The following OVCH1 variants were observed in gnomAD, a reference collection of about 807,000 sequenced individuals.
OVCH1 encodes the protein ovochymase-1.
A neutral mutation model predicts 138.4 loss-of-function variants in OVCH1; 139 were observed. The ratio of observed to expected loss-of-function variants is 1.00; its 90% confidence interval spans 0.87 to 1.16. The LOEUF is 1.16. Ranked by LOEUF, OVCH1 falls within the 50% of genes most tolerant of loss-of-function variation. The pLI is 0.00. For synonymous variants in OVCH1, 453 were observed against 467.8 expected, an observed-to-expected ratio of 0.97 and a Z score of 0.41; for missense variants, 1,367 against 1,357.9, an observed-to-expected ratio of 1.01 and a Z score of -0.11.
At chr12:29,452,650 T>G (rs1255712120) in intron 21 of OVCH1, among the ~76,000 whole-genome samples, 4 of 152,188 alleles carry the variant, frequency 2.6e-5, no homozygotes, top group Non-Finnish European at 5.9e-5. Context: ...CTTTCTAATC[T>G]TTTTAGTTTT....
chr12:29,452,424 CCT>C (rs1325535580), intron 21 of OVCH1, among the ~76,000 whole-genome samples: 1 of 148,068 alleles, frequency 6.8e-6, no homozygotes, highest in Non-Finnish European at 1.5e-5. Flanking sequence ...CTTTGTTAGT[CCT>C]CTTTTTTTAT....
intron 3 of OVCH1, among the ~76,000 whole-genome samples, chr12:29,417,487 C>T (rs1372043773): frequency 8.2e-6 from 1 of 122,062 alleles, no homozygotes; most frequent in Non-Finnish European, 1.7e-5. Context: ...AAAAAAAAGG[C>T]AACACTAGGA....
chr12:29,493,606 C>T (rs1162846608), intron 4 of OVCH1, among the ~76,000 whole-genome samples: 1 of 152,152 alleles, frequency 6.6e-6, no homozygotes, highest in Non-Finnish European at 1.5e-5. Flanking sequence ...TTCCATACAC[C>T]TAATCTAACC....
downstream of OVCH1, among the ~76,000 whole-genome samples, chr12:29,422,629 G>A (rs914973053): frequency 6.6e-6 from 1 of 152,286 alleles, no homozygotes; most frequent in African/African-American, 2.4e-5. Flanking sequence ...AATTAATTAG[G>A]TTTTTAAATC....
chr12:29,457,351 GGTCC>G (rs1941983060), intron 19 of OVCH1, among the ~76,000 whole-genome samples: 3 of 146,556 alleles, frequency 2.0e-5, no homozygotes, highest in Non-Finnish European at 4.5e-5. Context: ...CCTATCATAT[GGTCC>G]AGTCCATAGT....
At chr12:29,451,222 C>A (rs533713215) in intron 22 of OVCH1, 123 bp downstream of exon 22, 3 of 567,930 alleles carry the variant, frequency 5.3e-6, no homozygotes, top group Non-Finnish European at 8.8e-6. Context: ...AGGGAAAAAG[C>A]ATTCCTATTA....
At chr12:29,419,255 A>T (rs1366227469) in intron 3 of OVCH1, among the ~76,000 whole-genome samples, 1 of 151,904 alleles carries the variant, frequency 6.6e-6, no homozygotes, top group African/African-American at 2.4e-5. Flanking sequence ...ATTTTAATGT[A>T]TATATTTTCT....
At chr12:29,492,703 T>G (rs1371977637) in intron 4 of OVCH1, among the ~76,000 whole-genome samples, 2 of 152,002 alleles carry the variant, frequency 1.3e-5, no homozygotes, top group South Asian at 4.2e-4. Context: ...AATCCAGAGT[T>G]TTTTAGATTT....
At chr12:29,417,544 A>G (rs761664332) in intron 3 of OVCH1, among the ~76,000 whole-genome samples, 68 of 152,012 alleles carry the variant, frequency 4.5e-4, no homozygotes, top group Non-Finnish European at 8.2e-4. Flanking sequence ...GATTGTATCA[A>G]TATCCTATAA....
intron 2 of OVCH1, 115 bp from the exon 3 acceptor site, chr12:29,496,393 C>A: frequency 6.0e-6 from 7 of 1,175,094 alleles, no homozygotes; most frequent in Non-Finnish European, 8.4e-6. Context: ...AAAATACCGA[C>A]ATAAATTGGA....
intron 26 of OVCH1, among the ~76,000 whole-genome samples, chr12:29,436,293 T>TACG (rs10658436): frequency 6.6e-6 from 1 of 152,108 alleles, no homozygotes; most frequent in Non-Finnish European, 1.5e-5. Context: ...AGACACCCAG[T>TACG]ACTTTATGAA....
intron 4 of OVCH1, 121 bp downstream of exon 4, chr12:29,495,163 TA>T: frequency 9.7e-7 from 1 of 1,030,684 alleles, no homozygotes; most frequent in Non-Finnish European, 1.4e-6. Flanking sequence ...AAAATTATTT[TA>T]AAAAGAAACA....
At chr12:29,439,258 CTTA>C in intron 26 of OVCH1, 1 of 1,300,214 alleles carries the variant, frequency 7.7e-7, no homozygotes, top group Non-Finnish European at 9.9e-7. Context: ...TGTCACTTCT[CTTA>C]TTTATTGTTC....
exon 1 of OVCH1, chr12:29,497,647 C>A: frequency 6.2e-7 from 1 of 1,613,986 alleles, no homozygotes; most frequent in Non-Finnish European, 8.5e-7. Context: ...TGGCCGATGA[C>A]CAGCAACAGC....
exon 2 of OVCH1, chr12:29,496,653 A>G: frequency 6.2e-7 from 1 of 1,613,184 alleles, no homozygotes; most frequent in Non-Finnish European, 8.5e-7. Flanking sequence ...CATGTTGACC[A>G]TGCGAATTCC....
intron 27 of OVCH1, among the ~76,000 whole-genome samples, chr12:29,428,415 G>A (rs767336584): frequency 3.9e-5 from 6 of 152,160 alleles, no homozygotes; most frequent in Non-Finnish European, 5.9e-5. Context: ...TTTCCATGGT[G>A]TGTATACTCC....
At chr12:29,449,803 T>C (rs147037976) in intron 22 of OVCH1, among the ~76,000 whole-genome samples, 9,679 of 152,168 alleles carry the variant, frequency 0.064, 370 homozygotes, top group Non-Finnish European at 0.082. Flanking sequence ...ATGGTACTGG[T>C]ACCAAAACAG....
intron 12 of OVCH1, among the ~76,000 whole-genome samples, 198 bp from the exon 13 acceptor site, chr12:29,476,497 C>A (rs151103095): frequency 6.6e-6 from 1 of 152,156 alleles, no homozygotes; most frequent in African/African-American, 2.4e-5. Context: ...TTTGACCCAG[C>A]GAATCTAATT....
downstream of OVCH1, among the ~76,000 whole-genome samples, chr12:29,410,512 C>CA (rs548397362): frequency 0.22 from 26,490 of 121,706 alleles, 3,692 homozygotes; most frequent in Middle Eastern, 0.44. Flanking sequence ...CTGGTGGTGA[C>CA]AAAATCTGTC....
Sources: allele counts gnomAD v4.1 joint callset (sites outside exome capture counted in the v4.1 genomes callset), GRCh38; gene constraint gnomAD v4.1.1; transcripts MANE v1.5; gene names NCBI Gene and HGNC (gene_info 2026-07-23, HGNC 2026-07-21).